ZBTB7C: variants seen among roughly 807,000 people sequenced by gnomAD.
The protein encoded by ZBTB7C is zinc finger and BTB domain containing 7C.
A neutral mutation model predicts 25.7 loss-of-function variants in ZBTB7C; 8 were observed. The ratio of observed to expected loss-of-function variants is 0.31; its 90% CI spans 0.18 to 0.56. The LOEUF is 0.56. ZBTB7C is among the 20% of genes least tolerant of loss of function. The probability of loss-of-function intolerance (pLI) is 0.91; values close to 1 mark genes in which losing one functional copy is unlikely to be tolerated. For synonymous variants in ZBTB7C, 394 were observed against 369.0 expected, an observed-to-expected ratio of 1.07 and a Z score of -0.78; for missense variants, 824 against 855.2, an observed-to-expected ratio of 0.96 and a Z score of 0.46.
In ZBTB7C at chr18:48,029,605, G is replaced by A. The variant is rs1398167601; in HGVS notation, c.1515C>T (p.Phe505=). 1 of 1,487,588 alleles carries A rather than the reference G, an allele frequency of 6.7e-7. No homozygotes were observed. The highest frequency in any genetic ancestry group is 1.4e-5 in the African/African-American group (1 of 70,346). 92.1% of individuals were successfully genotyped at this position (1,487,588 alleles called of 1,614,324 possible). A position where few individuals can be genotyped will look rare whatever the true frequency, so the allele number is the denominator to read the frequency against. Residue 505 remains phenylalanine, a synonymous_variant, in exon 5 of 5, where the codon TTC becomes TTT. Transcript: ENST00000590800. ...CCTCGCCCAGCGCAGGGGGCATCAC[G>A]AAGGCCGCCTTGTCGGGGGCCGGGC... ...PGGPAPDKAA[F]VMPPALGEVG...
At chr18:48,093,418 C>T (rs762116862) in intron 3 of ZBTB7C, among the ~76,000 whole-genome samples, 36 of 152,244 alleles carry the variant, frequency 2.4e-4, no homozygotes, top group Non-Finnish European at 4.1e-4. Flanking sequence ...TCAGGACTGG[C>T]CCAGATCTGC....
intron 3 of ZBTB7C, among the ~76,000 whole-genome samples, chr18:48,109,903 C>T (rs2039172388): frequency 1.3e-5 from 2 of 152,154 alleles, no homozygotes; most frequent in Admixed American, 1.3e-4. Context: ...TCTAGCACTC[C>T]CAGGTGCAGA....
At chr18:48,097,226 G>A (rs924346873) in intron 3 of ZBTB7C, among the ~76,000 whole-genome samples, 11 of 152,154 alleles carry the variant, frequency 7.2e-5, no homozygotes, top group Non-Finnish European at 8.8e-5. Flanking sequence ...ATGGTCATAT[G>A]AATATGGATC....
intron 3 of ZBTB7C, among the ~76,000 whole-genome samples, chr18:48,052,142 T>C (rs2036711716): frequency 6.6e-6 from 1 of 152,184 alleles, no homozygotes; most frequent in South Asian, 2.1e-4. Flanking sequence ...TTACTGAGTT[T>C]CATACTCCCA....
intron 3 of ZBTB7C, chr18:48,169,664 C>T (rs2041397645): frequency 6.6e-6 from 1 of 152,308 alleles, no homozygotes; most frequent in South Asian, 2.1e-4. Context: ...GAAAACACAG[C>T]CAAGCATACT....
At chr18:48,269,048 C>T (rs1489090490) in intron 2 of ZBTB7C, among the ~76,000 whole-genome samples, 1 of 150,484 alleles carries the variant, frequency 6.6e-6, no homozygotes, top group African/African-American at 2.5e-5. Flanking sequence ...GCAACCTCTG[C>T]CTCCCAGGTT....
chr18:48,191,367 CTCTCTGCGTCAGAT>C (rs1244429668), intron 2 of ZBTB7C, among the ~76,000 whole-genome samples: 1 of 152,224 alleles, frequency 6.6e-6, no homozygotes, highest in Non-Finnish European at 1.5e-5. Context: ...GACTTAACCT[CTCTCTGCGTCAGAT>C]TTTTACCAGC....
At chr18:48,252,148 A>C (rs2144443463) in intron 2 of ZBTB7C, 1 of 152,370 alleles carries the variant, frequency 6.6e-6, no homozygotes, top group Non-Finnish European at 1.5e-5. Context: ...GAATTGAAAA[A>C]AGCAGCACTT....
chr18:48,302,762 C>A lies in ZBTB7C; in HGVS notation c.-79+35412G>T, dbSNP rs181622961. On this transcript the variant is annotated intron_variant, in intron 2 of 4. Transcript: ENST00000590800. ...ACCATAGTCCATAGTTGACTCCAGT[C>A]TTGCTGGCAGCTAAGCAAGTCCTGG... 1.6e-4 allele frequency among the ~76,000 whole-genome samples: 25 copies of A among 152,332 alleles called. No homozygotes were observed. The East Asian group carries it at 4.8e-3, about 29-fold the overall frequency.
intron 3 of ZBTB7C, among the ~76,000 whole-genome samples, chr18:48,079,867 C>T (rs1395801402): frequency 6.6e-6 from 1 of 152,222 alleles, no homozygotes; most frequent in Non-Finnish European, 1.5e-5. Context: ...GGACCGAGCA[C>T]TGGCACCTCA....
chr18:48,187,745 C>T (rs1371909519), intron 2 of ZBTB7C, among the ~76,000 whole-genome samples: 3 of 141,420 alleles, frequency 2.1e-5, no homozygotes, highest in Non-Finnish European at 3.0e-5. Flanking sequence ...GGCGTGAACC[C>T]GGGAGGCAGA....
chr18:48,055,323 T>A (rs1286537282), intron 3 of ZBTB7C, among the ~76,000 whole-genome samples: 2 of 146,398 alleles, frequency 1.4e-5, no homozygotes, highest in Non-Finnish European at 3.0e-5. Context: ...GGCAGGAGAA[T>A]CGCTGGAACC....
At chr18:48,405,454 C>T (rs766115469) in intron 1 of ZBTB7C, among the ~76,000 whole-genome samples, 25 of 152,316 alleles carry the variant, frequency 1.6e-4, no homozygotes, top group Middle Eastern at 3.4e-3. Flanking sequence ...ACTACCCTCA[C>T]GTTAATGAGT....
chr18:48,389,228 CTCTCTCTCGTGTGTGTGTGTGT>C (rs1385576654), intron 1 of ZBTB7C, among the ~76,000 whole-genome samples: 135 of 94,134 alleles, frequency 1.4e-3, no homozygotes, highest in African/African-American at 5.5e-3. Context: ...CTCTCTCTCT[CTCTCTCTCGTGTGTGTGTGTGT>C]GTGTGTGTGT....
At chr18:48,198,490 T>C (rs2042366587) in intron 2 of ZBTB7C, among the ~76,000 whole-genome samples, 1 of 152,184 alleles carries the variant, frequency 6.6e-6, no homozygotes, top group African/African-American at 2.4e-5. Flanking sequence ...AGGGTTGTAT[T>C]CCTTCTGGAG....
At chr18:48,170,015 G>A (rs1366043632) in intron 3 of ZBTB7C, 5 of 152,074 alleles carry the variant, frequency 3.3e-5, no homozygotes, top group African/African-American at 1.2e-4. Flanking sequence ...TGACCTAACA[G>A]AAACACAATT....
intron 2 of ZBTB7C, among the ~76,000 whole-genome samples, chr18:48,267,891 G>A (rs1030121658): frequency 9.9e-5 from 15 of 152,154 alleles, no homozygotes; most frequent in African/African-American, 3.4e-4. Context: ...AGAACTGTAA[G>A]AAACTAATGT....
At chr18:48,131,469 T>C (rs2144775200) in intron 3 of ZBTB7C, among the ~76,000 whole-genome samples, 1 of 152,280 alleles carries the variant, frequency 6.6e-6, no homozygotes, top group Middle Eastern at 3.4e-3. Context: ...AAAGGATAGT[T>C]GTTTTTTTTT....
chr18:48,223,538 A>T (rs1425625596), intron 2 of ZBTB7C, among the ~76,000 whole-genome samples: 1 of 152,156 alleles, frequency 6.6e-6, no homozygotes, highest in Non-Finnish European at 1.5e-5. Flanking sequence ...GCACCTTACA[A>T]TGGGCTTTTT....
Sources: allele counts gnomAD v4.1 joint callset (sites outside exome capture counted in the v4.1 genomes callset), GRCh38; gene constraint gnomAD v4.1.1; transcripts MANE v1.5; gene names NCBI Gene and HGNC (gene_info 2026-07-23, HGNC 2026-07-21).